Variants in KIAA1549 observed in about 807,000 individuals in gnomAD.
The protein encoded by KIAA1549 is UPF0606 protein KIAA1549.
KIAA1549 carries 70 observed loss-of-function variants against 156.4 expected under a neutral mutation model. The ratio of observed to expected loss-of-function variants is 0.45; its 90% CI spans 0.37 to 0.55. The LOEUF (loss-of-function observed/expected upper bound fraction) is 0.55, where lower values mean the gene tolerates loss of function less well. KIAA1549 is among the 20% of genes least tolerant of loss of function. The pLI is 0.00. For missense variants in KIAA1549, 2,428 were observed against 2,540.9 expected, an observed-to-expected ratio of 0.96 and a Z score of 0.96; for synonymous variants, 1,103 against 1,066.4, an observed-to-expected ratio of 1.03 and a Z score of -0.67.
intron 6 of KIAA1549, among the ~76,000 whole-genome samples, chr7:138,906,681 A>C (rs1281495550): frequency 6.6e-6 from 1 of 152,072 alleles, no homozygotes; most frequent in Admixed American, 6.5e-5. Context: ...GGAGGGATAA[A>C]AGACTACAAA....
chr7:138,863,747 A>G (rs1279584146), intron 15 of KIAA1549, among the ~76,000 whole-genome samples: 1 of 152,166 alleles, frequency 6.6e-6, no homozygotes, highest in Non-Finnish European at 1.5e-5. Flanking sequence ...TCTCCACGGC[A>G]GTCCCCACTG....
In KIAA1549 at chr7:138,832,191, C is replaced by CTTTTTTTTTTTTTTTTTTTTTTTTTT. The variant is rs749938588; in HGVS notation, c.*5714_*5715insAAAAAAAAAAAAAAAAAAAAAAAAAA. The stretch of plus-strand genomic sequence containing the variant: ...TCACCTCTGTCCCTTTTACCTATTC[C>CTTTTTTTTTTTTTTTTTTTTTTTTTT]TTTTTTTTTTTTTTTTTTTTCCAGA... On this transcript the variant is annotated 3_prime_UTR_variant, in exon 20 of 20. Coordinates refer to ENST00000422774, the MANE Select transcript of KIAA1549 (RefSeq NM_001164665.2). 7.1e-6 allele frequency: 1 copy of CTTTTTTTTTTTTTTTTTTTTTTTTTT among 140,252 alleles called. No homozygotes were observed. Among genetic ancestry groups the CTTTTTTTTTTTTTTTTTTTTTTTTTT allele is most frequent in the African/African-American group, 3.3e-5 (1 of 29,852 alleles). 8.7% of individuals were successfully genotyped at this position (140,252 alleles called of 1,614,324 possible). A position where few individuals can be genotyped will look rare whatever the true frequency, so the allele number is the denominator to read the frequency against.
At position 138,918,980 on chromosome 7, in the gene KIAA1549, T is replaced by A. The variant is rs1438171648; in HGVS notation, c.646A>T (p.Thr216Ser). The change falls in exon 2 of 20, where the codon ACG becomes TCG. Residue 216 changes from threonine (T) to serine (S), a missense_variant. Physicochemically the swap from Thr to Ser is moderately conservative, Grantham distance 58. This residue lies in a region of KIAA1549 where 893 missense variants were observed against 847.9 expected (regional missense o/e 1.05). Transcript: ENST00000422774. The surrounding 1 kb of genome is among the most constrained non-coding windows in gnomAD (Gnocchi z 4.2). ...TCAGCATATGCCGCTGGTTGTCGCG[T>A]TGTGTTCTGCCAGCCCGATGTCACT... Reference protein sequence around the residue: ...EEVTSGWQNTTRQPAAYAESA... With the variant: ...EEVTSGWQNTSRQPAAYAESA... 2 of 1,613,956 alleles carry A rather than the reference T, an allele frequency of 1.2e-6. No homozygotes were observed. Among genetic ancestry groups the A allele is most frequent in the East Asian group, 4.5e-5 (2 of 44,876 alleles).
At chr7:138,839,435 C>G (rs1026638237) in intron 19 of KIAA1549, among the ~76,000 whole-genome samples, 9 of 152,092 alleles carry the variant, frequency 5.9e-5, no homozygotes, top group African/African-American at 2.2e-4. Context: ...TAAAATGTCC[C>G]CAACTGTGTG....
At chr7:138,967,797 G>A (rs934080678) in intron 1 of KIAA1549, among the ~76,000 whole-genome samples, 1 of 152,184 alleles carries the variant, frequency 6.6e-6, no homozygotes, top group Admixed American at 6.5e-5. Flanking sequence ...TACAAGCCAA[G>A]GGCAACAATC....
At chr7:138,950,840 T>C (rs1033194023) in intron 1 of KIAA1549, among the ~76,000 whole-genome samples, 1 of 152,132 alleles carries the variant, frequency 6.6e-6, no homozygotes, top group African/African-American at 2.4e-5. Context: ...GCTGAGGTTA[T>C]CAGCATCATG....
At chr7:138,870,628 G>T (rs1052546789) in intron 13 of KIAA1549, among the ~76,000 whole-genome samples, 1 of 152,104 alleles carries the variant, frequency 6.6e-6, no homozygotes. Flanking sequence ...GCCCCTGGTC[G>T]GCCGCACTAA....
At chr7:138,886,024 C>G (rs560464737) in intron 10 of KIAA1549, among the ~76,000 whole-genome samples, 11 of 152,146 alleles carry the variant, frequency 7.2e-5, no homozygotes, top group Admixed American at 2.0e-4. Context: ...AAAGCCCCCC[C>G]CCAAATTCGG....
intron 1 of KIAA1549, among the ~76,000 whole-genome samples, chr7:138,970,541 A>G (rs1464847084): frequency 6.6e-6 from 1 of 152,220 alleles, no homozygotes; most frequent in African/African-American, 2.4e-5. Context: ...CTTCAATGAG[A>G]AACTGCACAG....
At chr7:138,977,692 A>G (rs958106159) in intron 1 of KIAA1549, among the ~76,000 whole-genome samples, 3 of 151,560 alleles carry the variant, frequency 2.0e-5, no homozygotes, top group African/African-American at 7.3e-5. Flanking sequence ...ACACGGAAAG[A>G]AACATGCACA....
At chr7:138,977,327 C>T (rs1393663771) in intron 1 of KIAA1549, among the ~76,000 whole-genome samples, 2 of 151,996 alleles carry the variant, frequency 1.3e-5, no homozygotes, top group African/African-American at 4.8e-5. Flanking sequence ...AATACAAATA[C>T]AAAATAAAAA....
At chr7:138,942,013 C>T (rs1281367595) in intron 1 of KIAA1549, among the ~76,000 whole-genome samples, 3 of 152,184 alleles carry the variant, frequency 2.0e-5, no homozygotes, top group Non-Finnish European at 2.9e-5. Context: ...TTTATAAGCT[C>T]ATGTGGCCAA....
intron 10 of KIAA1549, among the ~76,000 whole-genome samples, chr7:138,884,253 C>G (rs1264826277): frequency 1.3e-5 from 2 of 151,998 alleles, no homozygotes; most frequent in African/African-American, 2.4e-5. Context: ...CGATTCCCCC[C>G]ACACCTCACC....
chr7:138,923,788 C>T (rs1812632295), intron 1 of KIAA1549, among the ~76,000 whole-genome samples: 1 of 152,034 alleles, frequency 6.6e-6, no homozygotes, highest in African/African-American at 2.4e-5. Context: ...AGATGGAGAT[C>T]AAGAGTTAAG....
chr7:138,869,892 C>G, intron 13 of KIAA1549, 131 bp from the exon 14 acceptor site: 1 of 700,350 alleles, frequency 1.4e-6, no homozygotes, highest in South Asian at 2.0e-5. Context: ...CTCTGTTGCC[C>G]AGGCTGGAGT....
At chr7:138,895,653 C>T (rs1044313248) in intron 9 of KIAA1549, among the ~76,000 whole-genome samples, 7 of 151,824 alleles carry the variant, frequency 4.6e-5, no homozygotes, top group African/African-American at 7.3e-5. Context: ...GCCTTGTGAA[C>T]GTACTGAATG....
chr7:138,871,190 G>T lies in KIAA1549; in HGVS notation c.4518C>A (p.Asp1506Glu). The T allele has an allele frequency of 6.2e-7, 1 of 1,613,184 alleles. No homozygotes were observed. Among genetic ancestry groups the T allele is most frequent in the Non-Finnish European group, 8.5e-7 (1 of 1,179,868 alleles). ...TGATTTTATTGCTTTCCGCCACTCGGTCGGCTGGGGAGGGGCGCTGGACGG... is the reference window on the plus strand; with the variant it reads ...TGATTTTATTGCTTTCCGCCACTCGTTCGGCTGGGGAGGGGCGCTGGACGG... Reference protein sequence around the residue: ...APPVQRPSPADRVAESNKINK... With the variant: ...APPVQRPSPAERVAESNKINK... Residue 1506 changes from aspartate to glutamate, a missense_variant, in exon 13 of 20, where the codon GAC (aspartate) becomes GAA (glutamate). By Grantham distance (45) the Asp-to-Glu change is conservative. Coordinates refer to ENST00000422774, the MANE Select transcript of KIAA1549 (RefSeq NM_001164665.2).
At chr7:138,888,622 C>T (rs1811464752) in intron 10 of KIAA1549, among the ~76,000 whole-genome samples, 2 of 152,134 alleles carry the variant, frequency 1.3e-5, no homozygotes, top group African/African-American at 4.8e-5. Flanking sequence ...TAAATTTCCA[C>T]AAAGATTCAA....
intron 8 of KIAA1549, among the ~76,000 whole-genome samples, chr7:138,901,335 T>C (rs867644005): frequency 0.017 from 2,520 of 151,236 alleles, 74 homozygotes; most frequent in African/African-American, 0.058. Flanking sequence ...TATTTTTTTT[T>C]TTTTTTTTGA....
Sources: gnomAD v4.1 joint callset for allele counts (sites outside exome capture counted in the v4.1 genomes callset) on GRCh38, gnomAD v4.1.1 for gene constraint, gnomAD v4.1.1 regional missense constraint, Gnocchi (gnomAD v3.1) non-coding constraint, MANE v1.5 for transcripts, NCBI Gene and HGNC (gene_info 2026-07-23, HGNC 2026-07-21) for gene names.